Variants in NCOA2 observed in about 807,000 individuals in gnomAD.
NCOA2 encodes the protein nuclear receptor coactivator 2, also known as class E basic helix-loop-helix protein 75.
Under a neutral mutation model 145.1 loss-of-function variants are expected in NCOA2, and 21 were observed. That is an observed-to-expected ratio of 0.14 (90% CI 0.10 to 0.21). The LOEUF (loss-of-function observed/expected upper bound fraction) is 0.21. Among genes scored for constraint, NCOA2 ranks in the 10% least tolerant of loss-of-function variants. The pLI, the probability that NCOA2 is intolerant of heterozygous loss-of-function variation, is 1.00. For missense variants in NCOA2, 1,472 were observed against 1,837.6 expected, an observed-to-expected ratio of 0.80 and a Z score of 3.64; for synonymous variants, 619 against 637.5, an observed-to-expected ratio of 0.97 and a Z score of 0.44.
chr8:70,123,412 G>A (rs1029275152), intron 21 of NCOA2, among the ~76,000 whole-genome samples: 1 of 152,146 alleles, frequency 6.6e-6, no homozygotes, highest in African/African-American at 2.4e-5. Flanking sequence ...CAGCTACCCA[G>A]GAGGCTGAGG....
At chr8:70,447,682 CT>C in the NCOA2 span, among the ~76,000 whole-genome samples, 130 of 113,064 alleles carry the variant, frequency 1.1e-3, no homozygotes, top group Middle Eastern at 4.9e-3. Flanking sequence ...TCTTTGTTTT[CT>C]TTTTTTTTTT....
At chr8:70,423,434 T>A in the NCOA2 span, among the ~76,000 whole-genome samples, 4 of 152,264 alleles carry the variant, frequency 2.6e-5, no homozygotes, top group African/African-American at 7.2e-5. Flanking sequence ...CTGCCCACCT[T>A]GGCCTCCCGG....
chr8:70,137,403 G>A (rs1809857434), intron 15 of NCOA2, among the ~76,000 whole-genome samples: 1 of 152,064 alleles, frequency 6.6e-6, no homozygotes, highest in Non-Finnish European at 1.5e-5. Flanking sequence ...CCTAATTTTG[G>A]GTCTAGTTCT....
intron 19 of NCOA2, among the ~76,000 whole-genome samples, chr8:70,126,337 T>C (rs1808406366): frequency 6.6e-6 from 1 of 152,236 alleles, no homozygotes; most frequent in African/African-American, 2.4e-5. Context: ...TACCTATTCA[T>C]TAATGATCTG....
chr8:70,121,803 G>A (rs1338621154), intron 21 of NCOA2, among the ~76,000 whole-genome samples: 1 of 152,194 alleles, frequency 6.6e-6, no homozygotes, highest in Non-Finnish European at 1.5e-5. Context: ...TAATTATCAA[G>A]AGCAAGTGTA....
At chr8:70,310,346 CAAAAAAA>C (rs34849703) in intron 1 of NCOA2, among the ~76,000 whole-genome samples, 20 of 72,440 alleles carry the variant, frequency 2.8e-4, no homozygotes, top group African/African-American at 7.8e-4. Context: ...TCTGTCTTCC[CAAAAAAA>C]AAAAAAAAAA....
At chr8:70,431,284 C>T in the NCOA2 span, among the ~76,000 whole-genome samples, 23 of 152,134 alleles carry the variant, frequency 1.5e-4, no homozygotes, top group African/African-American at 3.9e-4. Flanking sequence ...TTGGAGGGTT[C>T]GCTTTTGCAT....
At chr8:70,288,337 G>C (rs765644825) in intron 2 of NCOA2, among the ~76,000 whole-genome samples, 2 of 152,130 alleles carry the variant, frequency 1.3e-5, no homozygotes, top group African/African-American at 2.4e-5. Context: ...TCAGCACTTT[G>C]GGAGGCCAAG....
intron 1 of NCOA2, among the ~76,000 whole-genome samples, chr8:70,391,167 T>C (rs1813167872): frequency 6.6e-6 from 1 of 152,198 alleles, no homozygotes; most frequent in Admixed American, 6.5e-5. Flanking sequence ...TTCAAAGTTA[T>C]GAAGTAGTCA....
intron 1 of NCOA2, among the ~76,000 whole-genome samples, chr8:70,325,470 C>CTGGA (rs1225631948): frequency 1.2e-4 from 18 of 151,750 alleles, no homozygotes; most frequent in Admixed American, 5.2e-4. Context: ...GTCGCCCAGG[C>CTGGA]TGGAGTACAG....
chr8:70,208,680 C>T (rs1818717878), intron 4 of NCOA2, among the ~76,000 whole-genome samples: 1 of 152,186 alleles, frequency 6.6e-6, no homozygotes, highest in Admixed American at 6.5e-5. Context: ...AAGAATAATG[C>T]TAAATCTACT....
At chr8:70,254,484 C>T (rs1227871477) in intron 2 of NCOA2, among the ~76,000 whole-genome samples, 3 of 151,924 alleles carry the variant, frequency 2.0e-5, no homozygotes, top group South Asian at 2.1e-4. Flanking sequence ...CATTGACAGA[C>T]GAATAAACAA....
At chr8:70,411,152 C>G in the NCOA2 span, among the ~76,000 whole-genome samples, 1 of 152,038 alleles carries the variant, frequency 6.6e-6, no homozygotes, top group Non-Finnish European at 1.5e-5. Flanking sequence ...TTACAGAAAG[C>G]CTATAACAAA....
chr8:70,414,634 A>G, the NCOA2 span, among the ~76,000 whole-genome samples: 1 of 152,346 alleles, frequency 6.6e-6, no homozygotes, highest in East Asian at 1.9e-4. Flanking sequence ...GTACAGTACT[A>G]TTATTGATGT....
At chr8:70,367,800 C>G (rs1003272287) in intron 1 of NCOA2, among the ~76,000 whole-genome samples, 2 of 152,282 alleles carry the variant, frequency 1.3e-5, no homozygotes, top group South Asian at 2.1e-4. Context: ...CAAGCCATAC[C>G]ATGATTTCAA....
chr8:70,403,399 C>G (rs1163769142), intron 1 of NCOA2, among the ~76,000 whole-genome samples: 2 of 151,526 alleles, frequency 1.3e-5, no homozygotes, highest in Non-Finnish European at 2.9e-5. Flanking sequence ...CTCCTGAGCT[C>G]TCGCAAGGCG....
chr8:70,124,680 G>A lies in NCOA2; in HGVS notation c.4094+8C>T. 1 of 1,596,992 alleles carries A rather than the reference G, an allele frequency of 6.3e-7. No individual in the cohort carries two copies. The highest frequency in any genetic ancestry group is 8.5e-7 in the Non-Finnish European group (1 of 1,172,174). ...GGCGGTATGAAAAGGAGAAGGATTTGCGGTTACCTGTTTCCGCCCATGTTC... is the reference window on the plus strand; with the variant it reads ...GGCGGTATGAAAAGGAGAAGGATTTACGGTTACCTGTTTCCGCCCATGTTC... On this transcript the variant is annotated splice_region_variant and intron_variant, in intron 20 of 22. Coordinates refer to ENST00000452400, the MANE Select transcript of NCOA2 (RefSeq NM_006540.4).
At chr8:70,226,735 A>C (rs180970166) in intron 2 of NCOA2, among the ~76,000 whole-genome samples, 8 of 151,414 alleles carry the variant, frequency 5.3e-5, no homozygotes, top group Middle Eastern at 3.4e-3. Flanking sequence ...TCTTCTGTAT[A>C]ATATAGACAG....
the NCOA2 span, among the ~76,000 whole-genome samples, chr8:70,447,450 C>T: frequency 1.3e-5 from 2 of 152,176 alleles, no homozygotes; most frequent in African/African-American, 4.8e-5. Context: ...CGTGTCCAGT[C>T]AAATAATGGC....
Sources: allele counts gnomAD v4.1 joint callset (sites outside exome capture counted in the v4.1 genomes callset), GRCh38; gene constraint gnomAD v4.1.1; transcripts MANE v1.5; gene names NCBI Gene and HGNC (gene_info 2026-07-23, HGNC 2026-07-21).